The following LRRC4C variants were observed in gnomAD, a reference collection of about 807,000 sequenced individuals.
LRRC4C encodes leucine rich repeat containing 4C.
A neutral mutation model predicts 33.6 loss-of-function variants in LRRC4C; 5 were observed. The observed-to-expected ratio is 0.15, with a 90% CI of 0.08 to 0.31. The LOEUF (loss-of-function observed/expected upper bound fraction) is 0.31. Ranked by LOEUF, LRRC4C falls within the 10% of genes least tolerant of loss-of-function variation. The pLI is 1.00. For missense variants in LRRC4C, 560 were observed against 796.7 expected (o/e 0.70, Z 3.58); for synonymous variants, 329 against 302.0 (o/e 1.09, Z -0.93).
chr11:40,277,841 G>T lies in LRRC4C; in HGVS notation c.-175-36243C>A, dbSNP rs145068285. ...AAACACTCCATAAATGTTACCTATCGCTGATTTTTTTGTATTGTGGTTATT... is the reference window on the plus strand; with the variant it reads ...AAACACTCCATAAATGTTACCTATCTCTGATTTTTTTGTATTGTGGTTATT... On this transcript the variant is annotated intron_variant, in intron 4 of 6. Coordinates refer to ENST00000528697, the MANE Select transcript of LRRC4C (RefSeq NM_001258419.2). Among the ~76,000 whole-genome samples the T allele has an allele frequency of 7.4e-3, 1,120 of 152,150 alleles. 15 individuals are homozygous for T. The highest frequency in any genetic ancestry group is 0.026 in the African/African-American group (1,068 of 41,518).
At chr11:41,411,359 A>G (rs1435162382) in intron 1 of LRRC4C, among the ~76,000 whole-genome samples, 1 of 151,306 alleles carries the variant, frequency 6.6e-6, no homozygotes, top group East Asian at 2.0e-4. Context: ...CGTGTTAGCC[A>G]GGATGGTCTT....
intron 1 of LRRC4C, among the ~76,000 whole-genome samples, chr11:41,362,119 A>G (rs915043910): frequency 1.3e-5 from 2 of 152,172 alleles, no homozygotes; most frequent in Admixed American, 6.5e-5. Context: ...ATGGACAAAA[A>G]GATTCCTCAC....
At chr11:41,019,541 T>C (rs865874697) in intron 1 of LRRC4C, among the ~76,000 whole-genome samples, 1 of 152,122 alleles carries the variant, frequency 6.6e-6, no homozygotes, top group Non-Finnish European at 1.5e-5. Context: ...TATCTAGTAA[T>C]GGGATTGCTG....
chr11:40,365,934 C>T (rs1590464180), intron 3 of LRRC4C, among the ~76,000 whole-genome samples: 2 of 152,110 alleles, frequency 1.3e-5, no homozygotes, highest in East Asian at 3.9e-4. Context: ...CGTGCACACA[C>T]TACAAAATTC....
intron 5 of LRRC4C, among the ~76,000 whole-genome samples, chr11:40,155,621 C>T (rs1360512333): frequency 2.0e-5 from 3 of 151,954 alleles, no homozygotes; most frequent in African/African-American, 4.8e-5. Context: ...TGGATAAATT[C>T]CTGGAAAAAG....
chr11:41,441,150 T>C (rs1286496955), intron 1 of LRRC4C, among the ~76,000 whole-genome samples: 4 of 152,114 alleles, frequency 2.6e-5, no homozygotes, highest in African/African-American at 7.2e-5. Flanking sequence ...CTATATCAGC[T>C]GTATTTGTTT....
At chr11:40,337,848 G>A (rs1250782431) in intron 3 of LRRC4C, among the ~76,000 whole-genome samples, 1 of 152,046 alleles carries the variant, frequency 6.6e-6, no homozygotes, top group Non-Finnish European at 1.5e-5. Context: ...TCCACCCTCT[G>A]ATACGCCCCA....
intron 1 of LRRC4C, among the ~76,000 whole-genome samples, chr11:41,148,212 T>A (rs200908326): frequency 6.6e-6 from 1 of 151,920 alleles, no homozygotes; most frequent in East Asian, 2.0e-4. Context: ...AGACGGGGTT[T>A]CATCATGTTA....
At chr11:41,348,550 G>A (rs1951871856) in intron 1 of LRRC4C, among the ~76,000 whole-genome samples, 1 of 151,696 alleles carries the variant, frequency 6.6e-6, no homozygotes, top group African/African-American at 2.4e-5. Context: ...CGGGCGTGAA[G>A]CCAAGATGGC....
chr11:40,261,174 C>A (rs1867682530), intron 4 of LRRC4C, among the ~76,000 whole-genome samples: 1 of 152,124 alleles, frequency 6.6e-6, no homozygotes, highest in Non-Finnish European at 1.5e-5. Flanking sequence ...AGGCGTGAGT[C>A]ACCTCACCCA....
At chr11:41,249,059 G>T (rs1948548684) in intron 1 of LRRC4C, among the ~76,000 whole-genome samples, 1 of 149,774 alleles carries the variant, frequency 6.7e-6, no homozygotes, top group Non-Finnish European at 1.5e-5. Flanking sequence ...TTTTGAGATG[G>T]AGTCTCACTC....
chr11:40,144,751 A>G (rs1255447512), intron 5 of LRRC4C, among the ~76,000 whole-genome samples: 1 of 152,228 alleles, frequency 6.6e-6, no homozygotes, highest in African/African-American at 2.4e-5. Flanking sequence ...GTTTAATAAA[A>G]GCCCTAATAT....
chr11:40,400,254 T>A (rs1949708551), intron 3 of LRRC4C, among the ~76,000 whole-genome samples: 1 of 152,138 alleles, frequency 6.6e-6, no homozygotes, highest in South Asian at 2.1e-4. Context: ...GCTGCAAAAT[T>A]AGTCAGTGTG....
At chr11:40,680,358 T>C (rs1340089797) in intron 2 of LRRC4C, among the ~76,000 whole-genome samples, 1 of 152,186 alleles carries the variant, frequency 6.6e-6, no homozygotes, top group Admixed American at 6.5e-5. Flanking sequence ...ACTGGGGGAC[T>C]GTTGGGAGGC....
At chr11:41,256,921 T>G (rs1053463592) in intron 1 of LRRC4C, among the ~76,000 whole-genome samples, 1 of 152,028 alleles carries the variant, frequency 6.6e-6, no homozygotes, top group Non-Finnish European at 1.5e-5. Flanking sequence ...AGACCTAATT[T>G]CTCTTTATTA....
At chr11:40,973,629 C>T (rs1851886861) in intron 1 of LRRC4C, among the ~76,000 whole-genome samples, 1 of 151,898 alleles carries the variant, frequency 6.6e-6, no homozygotes, top group Non-Finnish European at 1.5e-5. Context: ...TATAGAAGTC[C>T]TGGTTTATTA....
At chr11:40,843,519 ACT>A (rs1216577747) in intron 2 of LRRC4C, among the ~76,000 whole-genome samples, 1 of 151,588 alleles carries the variant, frequency 6.6e-6, no homozygotes, top group Admixed American at 6.6e-5. Flanking sequence ...TCTCTTTCTC[ACT>A]CTCTCTGATG....
chr11:40,605,530 A>T (rs1044059806), intron 3 of LRRC4C, among the ~76,000 whole-genome samples: 1 of 152,172 alleles, frequency 6.6e-6, no homozygotes, highest in Non-Finnish European at 1.5e-5. Flanking sequence ...AATTTATTGC[A>T]CTTGTTCACC....
Position 41,352,807 on chromosome 11 carries a change from A to C in LRRC4C, c.-496+106624T>G, listed in dbSNP as rs568925822. Among the ~76,000 whole-genome samples the C allele has an allele frequency of 1.9e-4, 29 of 152,268 alleles. No homozygotes were observed. The South Asian group carries it at 6.0e-3, about 32-fold the overall frequency. On this transcript the variant is annotated intron_variant, in intron 1 of 6. Transcript: ENST00000528697. The stretch of plus-strand genomic sequence containing the variant: ...TAATGAAATTAAGTCAGAGATAATA[A>C]AAAATTATTAAACTAATGAAAATAA...
Sources: gnomAD v4.1 joint callset for allele counts (sites outside exome capture counted in the v4.1 genomes callset) on GRCh38, gnomAD v4.1.1 for gene constraint, MANE v1.5 for transcripts, NCBI Gene and HGNC (gene_info 2026-07-23, HGNC 2026-07-21) for gene names.